Variants in GRIK2 observed in about 807,000 individuals in gnomAD.
GRIK2 encodes glutamate receptor ionotropic, kainate 2.
Under a neutral mutation model 100.3 loss-of-function variants are expected in GRIK2, and 32 were observed. The observed-to-expected ratio is 0.32, with a 90% CI of 0.24 to 0.43. The LOEUF (loss-of-function observed/expected upper bound fraction) is 0.43, where lower values mean the gene tolerates loss of function less well. GRIK2 is among the 20% of genes least tolerant of loss of function. GRIK2 has a pLI of 1.00. For missense variants in GRIK2, 843 were observed against 1,114.9 expected, an observed-to-expected ratio of 0.76 and a Z score of 3.47; for synonymous variants, 417 against 389.4, an observed-to-expected ratio of 1.07 and a Z score of -0.83.
chr6:101,887,321 C>A (rs1786722027), intron 11 of GRIK2, among the ~76,000 whole-genome samples: 1 of 151,894 alleles, frequency 6.6e-6, no homozygotes, highest in Non-Finnish European at 1.5e-5. Flanking sequence ...TTTTATCTGT[C>A]AATTAAAAAA....
intron 12 of GRIK2, among the ~76,000 whole-genome samples, chr6:101,909,170 T>G (rs1472521204): frequency 6.6e-6 from 1 of 151,044 alleles, no homozygotes; most frequent in Admixed American, 6.6e-5. Context: ...GACCTCATAA[T>G]CAGTATAAAA....
chr6:101,887,208 T>C (rs910626532), intron 11 of GRIK2, among the ~76,000 whole-genome samples: 2 of 152,090 alleles, frequency 1.3e-5, no homozygotes, highest in Non-Finnish European at 2.9e-5. Context: ...ACCATAAAAA[T>C]GATAACTATG....
At chr6:101,451,160 C>T (rs1214789131) in intron 2 of GRIK2, among the ~76,000 whole-genome samples, 2 of 151,714 alleles carry the variant, frequency 1.3e-5, no homozygotes, top group Admixed American at 1.3e-4. Context: ...GGAAATTCTA[C>T]TTAATCTTTA....
intron 10 of GRIK2, among the ~76,000 whole-genome samples, chr6:101,822,269 T>C (rs1782006815): frequency 6.7e-6 from 1 of 148,350 alleles, no homozygotes; most frequent in Admixed American, 6.8e-5. Flanking sequence ...ATAATTAAGA[T>C]ATAAAAGAAA....
In GRIK2 at chr6:101,562,230, CT is replaced by C. The variant is rs528025007; in HGVS notation, c.116-59716del. 1.6e-3 allele frequency among the ~76,000 whole-genome samples: 249 copies of C among 151,652 alleles called. 3 individuals are homozygous for C. The highest frequency in any genetic ancestry group is 0.01 in the Middle Eastern group (3 of 294). The stretch of plus-strand genomic sequence containing the variant: ...CTGCTATCATTCCCTAAAAAAAAAA[CT>C]TTAGGGGAGCTTTTATCCTGATTTT... On this transcript the variant is annotated intron_variant, in intron 2 of 16. Transcript: ENST00000369134.
intron 7 of GRIK2, among the ~76,000 whole-genome samples, chr6:101,761,892 C>A (rs915551644): frequency 7.9e-6 from 1 of 127,036 alleles, no homozygotes; most frequent in African/African-American, 3.5e-5. Flanking sequence ...CTTCCTTCCT[C>A]CCTTCTTTTC....
At chr6:101,695,628 TG>T (rs1167147798) in intron 7 of GRIK2, among the ~76,000 whole-genome samples, 1 of 152,112 alleles carries the variant, frequency 6.6e-6, no homozygotes, top group Non-Finnish European at 1.5e-5. Context: ...TTATAATACA[TG>T]GACTTGGTAC....
At chr6:101,732,542 G>A in intron 7 of GRIK2, among the ~76,000 whole-genome samples, 1 of 151,904 alleles carries the variant, frequency 6.6e-6, no homozygotes, top group East Asian at 1.9e-4. Flanking sequence ...AATGCGCTGT[G>A]GAATTTTTCC....
At chr6:101,891,324 C>A (rs1205367059) in intron 12 of GRIK2, among the ~76,000 whole-genome samples, 3 of 151,710 alleles carry the variant, frequency 2.0e-5, no homozygotes, top group Non-Finnish European at 4.4e-5. Flanking sequence ...TGAGACCATC[C>A]TGGCCAAAAT....
intron 15 of GRIK2, among the ~76,000 whole-genome samples, chr6:102,049,197 A>G (rs1434034068): frequency 1.3e-5 from 2 of 152,118 alleles, no homozygotes; most frequent in Non-Finnish European, 2.9e-5. Flanking sequence ...TAGATGAAAA[A>G]GGGAACCTAC....
chr6:101,584,254 G>A (rs531531792), intron 2 of GRIK2, among the ~76,000 whole-genome samples: 117 of 152,046 alleles, frequency 7.7e-4, no homozygotes, highest in Non-Finnish European at 1.5e-3. Context: ...ATTAAAATAA[G>A]GCAAACTTTC....
intron 2 of GRIK2, among the ~76,000 whole-genome samples, chr6:101,478,102 G>A (rs957789601): frequency 8.5e-5 from 13 of 152,100 alleles, no homozygotes; most frequent in African/African-American, 2.9e-4. Context: ...TTGAATAAGA[G>A]TATATAATGT....
rs796241778 is a variant in GRIK2 at position 101,823,876 on chromosome 6, G to GT, written c.1317+5404dup. ...GAGTAAGTTCTGTTTTTTTTTTTTT[G>GT]TTTTTTTTTTTGATGGAGTCTCGCT... On this transcript the variant is annotated intron_variant, in intron 10 of 16. Coordinates refer to ENST00000369134, the MANE Select transcript of GRIK2 (RefSeq NM_021956.5). Among the ~76,000 whole-genome samples the GT allele has an allele frequency of 2.8e-3, 327 of 116,840 alleles. 1 individual carries two copies. Among genetic ancestry groups the GT allele is most frequent in the South Asian group, 5.7e-3 (17 of 3,002 alleles). The allele number at this position is 116,840 out of a possible 152,430, so 76.7% of individuals were successfully genotyped here. A position where few individuals can be genotyped will look rare whatever the true frequency, so the allele number is the denominator to read the frequency against.
At chr6:101,793,634 A>G (rs975238079) in intron 7 of GRIK2, among the ~76,000 whole-genome samples, 1 of 152,130 alleles carries the variant, frequency 6.6e-6, no homozygotes, top group African/African-American at 2.4e-5. Flanking sequence ...GGTGCCTCCC[A>G]GTTAGGCTGC....
At chr6:101,583,957 T>C (rs1341632887) in intron 2 of GRIK2, among the ~76,000 whole-genome samples, 3 of 152,234 alleles carry the variant, frequency 2.0e-5, no homozygotes, top group South Asian at 4.1e-4. Context: ...TTTTATATGA[T>C]ATATATGTAT....
At chr6:101,918,714 C>T (rs1789281040) in intron 12 of GRIK2, among the ~76,000 whole-genome samples, 1 of 151,670 alleles carries the variant, frequency 6.6e-6, no homozygotes, top group Non-Finnish European at 1.5e-5. Context: ...TCAAACCTTC[C>T]AGTCTCAAAA....
chr6:101,779,013 TTTAA>T (rs1442859557), intron 7 of GRIK2, among the ~76,000 whole-genome samples: 2 of 152,050 alleles, frequency 1.3e-5, no homozygotes, highest in Non-Finnish European at 2.9e-5. Flanking sequence ...TTGGAGATAT[TTTAA>T]TTATATATAT....
At chr6:101,862,585 T>TTTA (rs111239921) in intron 11 of GRIK2, among the ~76,000 whole-genome samples, 24,476 of 150,456 alleles carry the variant, frequency 0.16, 2,713 homozygotes, top group African/African-American at 0.31. Flanking sequence ...TAGCTAATTA[T>TTTA]TTATTATTAT....
intron 9 of GRIK2, among the ~76,000 whole-genome samples, chr6:101,806,461 ACAG>A (rs1662147009): frequency 6.6e-6 from 1 of 151,952 alleles, no homozygotes; most frequent in East Asian, 1.9e-4. Context: ...TCCCTAAACC[ACAG>A]CAGCCAGGCA....
Sources: allele counts gnomAD v4.1 joint callset (sites outside exome capture counted in the v4.1 genomes callset), GRCh38; gene constraint gnomAD v4.1.1; transcripts MANE v1.5; gene names NCBI Gene and HGNC (gene_info 2026-07-23, HGNC 2026-07-21).